Variants in SCFD2 observed in about 807,000 individuals in gnomAD.
SCFD2 encodes the protein sec1 family domain-containing protein 2.
In SCFD2, 54 loss-of-function variants were observed where a neutral mutation model predicts 58.9. The observed-to-expected ratio is 0.92, with a 90% CI of 0.74 to 1.15. The LOEUF (loss-of-function observed/expected upper bound fraction) is 1.15. SCFD2 is among the 50% of genes most tolerant of loss of function. The pLI, the probability that SCFD2 is intolerant of heterozygous loss-of-function variation, is 0.00. For missense variants in SCFD2, 805 were observed against 836.6 expected (o/e 0.96, Z 0.47); for synonymous variants, 321 against 335.9 (o/e 0.96, Z 0.49).
At position 53,349,829 on chromosome 4, in the gene SCFD2, G is replaced by A. The variant is rs1389577943; in HGVS notation, c.1007+2769C>T. The stretch of plus-strand genomic sequence containing the variant: ...TTCTTTCTTTTAGCAAACTCCTCTG[G>A]GGAGCTTACTTATTTTTTTGGTAAT... On this transcript the variant is annotated intron_variant, in intron 2 of 8. Coordinates refer to ENST00000401642, the MANE Select transcript of SCFD2 (RefSeq NM_152540.4). Among the ~76,000 whole-genome samples, 4 of 152,158 alleles carry A rather than the reference G, an allele frequency of 2.6e-5. No individual in the cohort carries two copies. The East Asian group carries it at 7.7e-4, about 29-fold the overall frequency.
intron 4 of SCFD2, among the ~76,000 whole-genome samples, chr4:53,260,899 G>A (rs1246430307): frequency 6.6e-6 from 1 of 151,978 alleles, no homozygotes; most frequent in Non-Finnish European, 1.5e-5. Context: ...TTTCAATCTT[G>A]CTGCTTGTTG....
At chr4:53,127,822 A>T (rs192330370) in intron 5 of SCFD2, among the ~76,000 whole-genome samples, 1 of 152,224 alleles carries the variant, frequency 6.6e-6, no homozygotes. Context: ...TGCTCTGAAA[A>T]GTCCAATGTG....
chr4:53,086,979 A>G lies in SCFD2; in HGVS notation c.1561+58354T>C, dbSNP rs1332383446. Among the ~76,000 whole-genome samples the G allele has an allele frequency of 5.9e-5, 9 of 152,308 alleles. 1 individual carries two copies. The East Asian group carries it at 1.7e-3, about 29-fold the overall frequency. On this transcript the variant is annotated intron_variant, in intron 5 of 8. Transcript: ENST00000401642. The stretch of plus-strand genomic sequence containing the variant: ...AATAAGACTTGGTGCTTGGTACCAC[A>G]ACCAGATGACTATAGTCAACAATAA...
At chr4:53,349,633 T>C (rs996437448) in intron 2 of SCFD2, among the ~76,000 whole-genome samples, 5 of 152,346 alleles carry the variant, frequency 3.3e-5, no homozygotes, top group South Asian at 2.1e-4. Flanking sequence ...GATTCCAAGA[T>C]TGGCTTAGCC....
At chr4:53,285,736 A>T (rs938926114) in intron 3 of SCFD2, among the ~76,000 whole-genome samples, 21 of 151,928 alleles carry the variant, frequency 1.4e-4, no homozygotes, top group Admixed American at 1.2e-3. Flanking sequence ...ATCTGCTCAG[A>T]ACCAGAATGG....
chr4:53,093,703 G>A (rs915448657), intron 5 of SCFD2, among the ~76,000 whole-genome samples: 1 of 151,792 alleles, frequency 6.6e-6, no homozygotes, highest in African/African-American at 2.4e-5. Context: ...TATATTAAAT[G>A]AAAAACCAAG....
intron 5 of SCFD2, among the ~76,000 whole-genome samples, chr4:52,933,365 T>G (rs1249329818): frequency 6.6e-6 from 1 of 152,198 alleles, no homozygotes; most frequent in Non-Finnish European, 1.5e-5. Flanking sequence ...TTGGCAGAGA[T>G]AACTAAGATG....
chr4:52,964,612 A>G (rs1382582403), intron 5 of SCFD2, among the ~76,000 whole-genome samples: 1 of 152,096 alleles, frequency 6.6e-6, no homozygotes, highest in Non-Finnish European at 1.5e-5. Flanking sequence ...GTGGGTTTGC[A>G]ATGTCAAGAC....
intron 5 of SCFD2, among the ~76,000 whole-genome samples, chr4:52,975,685 A>G (rs1721239399): frequency 6.6e-6 from 1 of 152,184 alleles, no homozygotes; most frequent in Admixed American, 6.5e-5. Flanking sequence ...ATATACCCAA[A>G]GGATTATAAA....
intron 5 of SCFD2, among the ~76,000 whole-genome samples, chr4:53,004,875 T>C (rs1577653974): frequency 6.6e-6 from 1 of 152,154 alleles, no homozygotes; most frequent in Non-Finnish European, 1.5e-5. Context: ...GAAACCTCAC[T>C]GCTCTCAGGA....
At chr4:53,304,769 C>T (rs1251653908) in intron 3 of SCFD2, among the ~76,000 whole-genome samples, 3 of 152,064 alleles carry the variant, frequency 2.0e-5, no homozygotes, top group Non-Finnish European at 4.4e-5. Flanking sequence ...TGAGTTAGAA[C>T]ATGCTCCTTT....
chr4:53,201,403 T>C (rs570752351), intron 4 of SCFD2, among the ~76,000 whole-genome samples: 20 of 152,330 alleles, frequency 1.3e-4, no homozygotes, highest in Admixed American at 9.2e-4. Context: ...ATGTGCCACA[T>C]TTTCTTAATC....
intron 5 of SCFD2, among the ~76,000 whole-genome samples, chr4:53,114,608 T>C (rs1199945657): frequency 6.6e-6 from 1 of 152,130 alleles, no homozygotes; most frequent in Admixed American, 6.6e-5. Context: ...GAAAGAAAAA[T>C]ACATTCAATG....
chr4:53,339,602 C>T (rs920834142), intron 2 of SCFD2, among the ~76,000 whole-genome samples: 4 of 151,836 alleles, frequency 2.6e-5, no homozygotes, highest in Admixed American at 2.6e-4. Flanking sequence ...AAACCTGTCC[C>T]TACTAAAAAA....
chr4:53,357,428 CA>C lies in SCFD2; in HGVS notation c.839-4663del, dbSNP rs35837415. ...TGGGCAATAGTGCAAGACTCTGTCTCAAAAAAAAAAAGGAATTATTTCATAT... is the reference window on the plus strand; with the variant it reads ...TGGGCAATAGTGCAAGACTCTGTCTCAAAAAAAAAAGGAATTATTTCATAT... On this transcript the variant is annotated intron_variant, in intron 1 of 8. Coordinates refer to ENST00000401642, the MANE Select transcript of SCFD2 (RefSeq NM_152540.4). Among the ~76,000 whole-genome samples, 134 of 139,808 alleles carry C rather than the reference CA, an allele frequency of 9.6e-4. 1 individual carries two copies. The South Asian group carries it at 0.016, about 17-fold the overall frequency. 91.7% of individuals were successfully genotyped at this position (139,808 alleles called of 152,430 possible). A position where few individuals can be genotyped will look rare whatever the true frequency, so the allele number is the denominator to read the frequency against.
intron 4 of SCFD2, among the ~76,000 whole-genome samples, chr4:53,170,154 G>T (rs1007047447): frequency 1.3e-5 from 2 of 152,028 alleles, no homozygotes; most frequent in African/African-American, 4.8e-5. Context: ...TCATTTTATG[G>T]TTTCAGGTCT....
intron 3 of SCFD2, among the ~76,000 whole-genome samples, 184 bp downstream of exon 3, chr4:53,313,452 A>G (rs1373244874): frequency 2.0e-5 from 3 of 152,230 alleles, no homozygotes; most frequent in Admixed American, 6.5e-5. Flanking sequence ...AGCTGAGTCT[A>G]AGAAAAGTGG....
rs183198474 is a variant in SCFD2 at position 53,238,637 on chromosome 4, T to G, written c.1311+35189A>C. 4.8e-3 allele frequency among the ~76,000 whole-genome samples: 717 copies of G among 149,438 alleles called. 11 individuals are homozygous for G. The highest frequency in any genetic ancestry group is 0.017 in the African/African-American group (677 of 40,194). Reference sequence around the variant, plus strand: ...CTGCCAGGCGGAGGAGCTCCTCGCTTCTCAGACGGGGTGGCCGGGCAGAGA... The same window carrying G: ...CTGCCAGGCGGAGGAGCTCCTCGCTGCTCAGACGGGGTGGCCGGGCAGAGA... On this transcript the variant is annotated intron_variant, in intron 4 of 8. Coordinates refer to ENST00000401642, the MANE Select transcript of SCFD2 (RefSeq NM_152540.4).
intron 5 of SCFD2, among the ~76,000 whole-genome samples, chr4:53,097,623 G>A (rs921327642): frequency 7.2e-5 from 11 of 152,086 alleles, no homozygotes; most frequent in East Asian, 1.9e-4. Context: ...GGGCTGAGAC[G>A]ATGGGGTTTT....
Sources: gnomAD v4.1 joint callset for allele counts (sites outside exome capture counted in the v4.1 genomes callset) on GRCh38, gnomAD v4.1.1 for gene constraint, MANE v1.5 for transcripts, NCBI Gene and HGNC (gene_info 2026-07-23, HGNC 2026-07-21) for gene names.